GRM7: variants seen among roughly 807,000 people sequenced by gnomAD.
GRM7 encodes metabotropic glutamate receptor 7.
A neutral mutation model predicts 84.5 loss-of-function variants in GRM7; 35 were observed. The observed-to-expected ratio is 0.41, with a 90% CI of 0.32 to 0.55. The LOEUF (loss-of-function observed/expected upper bound fraction) is 0.55, where lower values mean the gene tolerates loss of function less well. Ranked by LOEUF, GRM7 falls within the 20% of genes least tolerant of loss-of-function variation. The pLI is 0.19. For synonymous variants in GRM7, 487 were observed against 455.1 expected (o/e 1.07, Z -0.89); for missense variants, 1,003 against 1,194.6 (o/e 0.84, Z 2.36).
chr3:6,985,036 G>A (rs988367670), intron 1 of GRM7, among the ~76,000 whole-genome samples: 1 of 152,074 alleles, frequency 6.6e-6, no homozygotes, highest in Non-Finnish European at 1.5e-5. Flanking sequence ...ACACCTCCTG[G>A]TGTTTCCGCC....
chr3:7,537,094 A>C (rs946505155), intron 7 of GRM7, among the ~76,000 whole-genome samples: 1 of 152,166 alleles, frequency 6.6e-6, no homozygotes. Context: ...ATGGCTCTTC[A>C]GAGCTGCAGG....
chr3:7,552,454 C>T (rs1693523979), intron 7 of GRM7, among the ~76,000 whole-genome samples: 1 of 152,210 alleles, frequency 6.6e-6, no homozygotes. Flanking sequence ...TGTGTGGGGG[C>T]TCTAACCCCA....
intron 1 of GRM7, among the ~76,000 whole-genome samples, chr3:6,996,240 G>A (rs367869942): frequency 3.1e-4 from 47 of 152,096 alleles, no homozygotes; most frequent in African/African-American, 1.1e-3. Flanking sequence ...AGTAGAGATG[G>A]GATGTCACCG....
intron 2 of GRM7, among the ~76,000 whole-genome samples, chr3:7,271,414 C>T (rs1460575339): frequency 6.6e-6 from 1 of 151,786 alleles, no homozygotes; most frequent in Non-Finnish European, 1.5e-5. Flanking sequence ...AAAAAATTAG[C>T]CGGGCGTGGT....
intron 7 of GRM7, among the ~76,000 whole-genome samples, chr3:7,508,438 G>C (rs1054252257): frequency 6.6e-6 from 1 of 151,998 alleles, no homozygotes; most frequent in East Asian, 1.9e-4. Context: ...CATTTATAGA[G>C]TAAATAATAT....
chr3:6,886,990 C>G lies in GRM7; in HGVS notation c.519+25083C>G, dbSNP rs74638926. On this transcript the variant is annotated intron_variant, in intron 1 of 9. Coordinates refer to ENST00000357716, the MANE Select transcript of GRM7 (RefSeq NM_000844.4). ...GAATTACTCCAAACATAATTTTTAA[C>G]TACAAAATGTCTATCATTCTACCTC... Among the ~76,000 whole-genome samples, 605 of 152,000 alleles carry G rather than the reference C, an allele frequency of 4.0e-3. 5 individuals are homozygous for G. Among genetic ancestry groups the G allele is most frequent in the African/African-American group, 0.014 (574 of 41,490 alleles).
chr3:7,728,939 G>C (rs1702219308), intron 9 of GRM7, among the ~76,000 whole-genome samples: 1 of 151,990 alleles, frequency 6.6e-6, no homozygotes, highest in Non-Finnish European at 1.5e-5. Flanking sequence ...ATTCCTAGCT[G>C]GTCTTCTTTC....
intron 8 of GRM7, among the ~76,000 whole-genome samples, chr3:7,637,717 T>C (rs1251110653): frequency 6.6e-6 from 1 of 152,192 alleles, no homozygotes; most frequent in Non-Finnish European, 1.5e-5. Flanking sequence ...TTGGTCAACC[T>C]GAACAATGGT....
intron 1 of GRM7, among the ~76,000 whole-genome samples, chr3:6,870,501 G>C (rs1695087297): frequency 6.6e-6 from 1 of 152,166 alleles, no homozygotes; most frequent in African/African-American, 2.4e-5. Context: ...TTCATGCAAG[G>C]CCATCGCAGG....
chr3:7,602,174 G>C (rs1326850894), intron 8 of GRM7, among the ~76,000 whole-genome samples: 1 of 151,126 alleles, frequency 6.6e-6, no homozygotes, highest in African/African-American at 2.4e-5. Context: ...ATAAAGGGAT[G>C]ATGCTTATGA....
chr3:6,991,899 A>C (rs1402685040), intron 1 of GRM7, among the ~76,000 whole-genome samples: 5 of 152,104 alleles, frequency 3.3e-5, no homozygotes, highest in Non-Finnish European at 7.4e-5. Flanking sequence ...TTTAACCAAA[A>C]TTTTGTACCC....
chr3:7,650,906 G>A (rs1698905149), intron 8 of GRM7, among the ~76,000 whole-genome samples: 1 of 152,144 alleles, frequency 6.6e-6, no homozygotes, highest in African/African-American at 2.4e-5. Context: ...AAAAGAAAGA[G>A]TCAGAGGGTT....
At chr3:7,724,432 C>T (rs1267093128) in intron 9 of GRM7, among the ~76,000 whole-genome samples, 1 of 152,164 alleles carries the variant, frequency 6.6e-6, no homozygotes, top group African/African-American at 2.4e-5. Context: ...TTTTCTATTT[C>T]CCACATTCAA....
intron 9 of GRM7, among the ~76,000 whole-genome samples, chr3:7,684,443 T>G (rs1045434132): frequency 1.3e-5 from 2 of 152,140 alleles, no homozygotes; most frequent in Non-Finnish European, 2.9e-5. Flanking sequence ...TCTAAACACT[T>G]AGTCTCAATG....
In GRM7 at chr3:7,483,880, T is replaced by C. The variant is rs116421162; in HGVS notation, c.1515+22158T>C. On this transcript the variant is annotated intron_variant, in intron 7 of 9. Coordinates refer to ENST00000357716, the MANE Select transcript of GRM7 (RefSeq NM_000844.4). ...AACACGCAAAATGGACATTAAAAAT[T>C]GTCAACTAAAGAGAAAACACACTCT... 5.5e-3 allele frequency among the ~76,000 whole-genome samples: 840 copies of C among 152,152 alleles called. 9 individuals are homozygous for C. Among genetic ancestry groups the C allele is most frequent in the African/African-American group, 0.019 (782 of 41,548 alleles).
intron 1 of GRM7, among the ~76,000 whole-genome samples, chr3:6,989,445 G>T (rs962071665): frequency 1.3e-5 from 2 of 152,104 alleles, no homozygotes; most frequent in Non-Finnish European, 2.9e-5. Flanking sequence ...CTTCTATTTT[G>T]TATTCTGTAT....
intron 8 of GRM7, among the ~76,000 whole-genome samples, chr3:7,596,315 T>C (rs987678107): frequency 3.3e-5 from 5 of 152,128 alleles, no homozygotes; most frequent in African/African-American, 1.2e-4. Context: ...AACACTGAGA[T>C]GCTTATGAAC....
chr3:7,617,368 C>A (rs1697140721), intron 8 of GRM7, among the ~76,000 whole-genome samples: 1 of 151,944 alleles, frequency 6.6e-6, no homozygotes, highest in African/African-American at 2.4e-5. Context: ...TGCTAGATAT[C>A]CATTATGGAA....
chr3:7,509,165 C>T (rs1028628241), intron 7 of GRM7, among the ~76,000 whole-genome samples: 3 of 151,986 alleles, frequency 2.0e-5, no homozygotes, highest in Admixed American at 6.6e-5. Flanking sequence ...GTTATCATAT[C>T]AACAAATCAC....
Sources: allele counts gnomAD v4.1 joint callset (sites outside exome capture counted in the v4.1 genomes callset), GRCh38; gene constraint gnomAD v4.1.1; transcripts MANE v1.5; gene names NCBI Gene and HGNC (gene_info 2026-07-23, HGNC 2026-07-21).